The following AAR2 variants were observed in gnomAD, a reference collection of about 807,000 sequenced individuals.
AAR2 encodes the protein protein AAR2 homolog.
AAR2 carries 31 observed loss-of-function variants against 26.9 expected under a neutral mutation model. The ratio of observed to expected loss-of-function variants is 1.15; its 90% CI spans 0.86 to 1.55. The LOEUF is 1.55. Ranked by LOEUF, AAR2 falls within the 40% of genes most tolerant of loss-of-function variation. The pLI is 0.00. For synonymous variants in AAR2, 188 were observed against 196.1 expected, an observed-to-expected ratio of 0.96 and a Z score of 0.34; for missense variants, 430 against 491.3, an observed-to-expected ratio of 0.88 and a Z score of 1.18.
intron 1 of AAR2, 126 bp from the exon 2 acceptor site, chr20:36,239,695 G>A (rs943015077): frequency 1.3e-6 from 1 of 747,986 alleles, no homozygotes; most frequent in Non-Finnish European, 2.0e-6. Context: ...ATGCAGGGTT[G>A]TCATGAGGAT....
At chr20:36,238,626 C>T (rs1601172378) in intron 1 of AAR2, among the ~76,000 whole-genome samples, 1 of 151,954 alleles carries the variant, frequency 6.6e-6, no homozygotes, top group East Asian at 1.9e-4. Flanking sequence ...TGTGGTGGCA[C>T]ACACCGGTAG....
chr20:36,246,617 G>A lies in AAR2; in HGVS notation c.987+1691G>A, dbSNP rs144724169. 1.4e-4 allele frequency among the ~76,000 whole-genome samples: 21 copies of A among 152,284 alleles called. No homozygotes were observed. In the East Asian group the frequency reaches 2.7e-3, roughly 20 times the overall value. On this transcript the variant is annotated intron_variant, in intron 3 of 3. Coordinates refer to ENST00000320849, the MANE Select transcript of AAR2 (RefSeq NM_001271874.2). ...CCCTCCTGATGCACGTTGATGCGTC[G>A]CACAGACACAGGAGGGCCACGGTGT...
Position 36,245,693 on chromosome 20 carries a change from A to G in AAR2, c.987+767A>G, listed in dbSNP as rs192199299. Among the ~76,000 whole-genome samples the G allele has an allele frequency of 1.2e-4, 18 of 152,230 alleles. No homozygotes were observed. In the Middle Eastern group the frequency reaches 0.01, roughly 86 times the overall value. ...AAGGCAGCCTTTCACCAACCTTCCA[A>G]TCCCACTCGGGGTAACAGAAGGGAC... is the stretch of plus-strand genomic sequence containing the variant. On this transcript the variant is annotated intron_variant, in intron 3 of 3. Transcript: ENST00000320849.
chr20:36,251,090 AG>A, intron 3 of AAR2, among the ~76,000 whole-genome samples: 1 of 151,946 alleles, frequency 6.6e-6, no homozygotes, highest in Non-Finnish European at 1.5e-5. Flanking sequence ...TCAACTACTG[AG>A]GAGGCCTAGA....
At chr20:36,239,689 A>G (rs557486648) in intron 1 of AAR2, 132 bp from the exon 2 acceptor site, 2 of 708,358 alleles carry the variant, frequency 2.8e-6, no homozygotes, top group South Asian at 5.9e-5. Flanking sequence ...AACTCAATGC[A>G]GGGTTGTCAT....
chr20:36,255,571 T>C lies in AAR2; in HGVS notation c.988-7T>C. On this transcript the variant is annotated splice_region_variant and splice_polypyrimidine_tract_variant and intron_variant, in intron 3 of 3. Transcript: ENST00000320849. The stretch of plus-strand genomic sequence containing the variant: ...CTCAGGAGTGACTTATCCTCTGTTC[T>C]CTGTAGGTTTTCTTTTCCTCTGCCT... 6.2e-7 allele frequency: 1 copy of C among 1,614,192 alleles called. No individual in the cohort carries two copies. The highest frequency in any genetic ancestry group is 8.5e-7 in the Non-Finnish European group (1 of 1,180,000).
At chr20:36,239,793 G>A in intron 1 of AAR2, 28 bp from the exon 2 acceptor site, 1 of 1,493,716 alleles carries the variant, frequency 6.7e-7, no homozygotes, top group Non-Finnish European at 9.0e-7. Context: ...CCCACGTTCT[G>A]ATTAACTCTG....
At position 36,240,219 on chromosome 20, in the gene AAR2, G is replaced by T. The variant is rs970697472; in HGVS notation, c.351G>T (p.Glu117Asp). The change falls in exon 2 of 4, where the codon GAG (glutamate) becomes GAT (aspartate). Residue 117 changes from glutamate (E) to aspartate (D), a missense_variant. Physicochemically the swap from Glu to Asp is conservative, Grantham distance 45. Coordinates refer to ENST00000320849, the MANE Select transcript of AAR2 (RefSeq NM_001271874.2). ...EVEAMRANLQ[E>D]LDQFLGPYPY... is the part of the protein sequence containing the mutation. Reference sequence around the variant, plus strand: ...AGGCCATGAGGGCCAACCTCCAGGAGCTGGACCAGTTCCTGGGGCCTTACC... The same window carrying T: ...AGGCCATGAGGGCCAACCTCCAGGATCTGGACCAGTTCCTGGGGCCTTACC... The T allele has an allele frequency of 6.2e-7, 1 of 1,614,236 alleles. No homozygotes were observed. Among genetic ancestry groups the T allele is most frequent in the South Asian group, 1.1e-5 (1 of 91,082 alleles).
intron 3 of AAR2, among the ~76,000 whole-genome samples, chr20:36,254,671 A>G (rs1357975580): frequency 6.6e-6 from 1 of 152,210 alleles, no homozygotes; most frequent in African/African-American, 2.4e-5. Context: ...AATAATATGT[A>G]TATTTTGCCA....
chr20:36,236,665 C>T (rs1282585360), intron 1 of AAR2, 162 bp downstream of exon 1: 2 of 152,244 alleles, frequency 1.3e-5, no homozygotes, highest in African/African-American at 2.4e-5. Context: ...TCTCTGGAGG[C>T]CCTTCCTGAG....
At chr20:36,241,770 C>T (rs1039681105) in intron 2 of AAR2, among the ~76,000 whole-genome samples, 3 of 152,086 alleles carry the variant, frequency 2.0e-5, no homozygotes, top group African/African-American at 7.2e-5. Flanking sequence ...GCAACAAGAG[C>T]CGTCTCAAAA....
Position 36,255,928 on chromosome 20 carries a change from C to T in AAR2, c.*183C>T, listed in dbSNP as rs2064817542. The T allele has an allele frequency of 1.2e-6, 1 of 862,170 alleles. No individual in the cohort carries two copies. Among genetic ancestry groups the T allele is most frequent in the Non-Finnish European group, 1.7e-6 (1 of 584,082 alleles). 53.4% of individuals were successfully genotyped at this position (862,170 alleles called of 1,614,324 possible). ...TTTCTTCATTGCCAAAGAGGCTGTA[C>T]CCATCCTGAAGGCACATTTGTGGGT... On this transcript the variant is annotated 3_prime_UTR_variant, in exon 4 of 4. Coordinates refer to ENST00000320849, the MANE Select transcript of AAR2 (RefSeq NM_001271874.2).
At chr20:36,247,693 C>A (rs1011492600) in intron 3 of AAR2, among the ~76,000 whole-genome samples, 1 of 151,926 alleles carries the variant, frequency 6.6e-6, no homozygotes, top group Admixed American at 6.6e-5. Context: ...CATGGTGAAA[C>A]CCCCATGTCT....
rs1442784223 is a variant in AAR2 at position 36,244,718 on chromosome 20, T to C, written c.779T>C (p.Val260Ala). Reference protein sequence around the residue: ...DVLGELQFAFVCFLLGNVYEA... With the variant: ...DVLGELQFAFACFLLGNVYEA... ...TCAGGTGAACTCCAGTTTGCTTTTG[T>C]GTGCTTCCTGCTGGGGAATGTGTAC... Residue 260 changes from valine (V) to alanine (A), a missense_variant, in exon 3 of 4, where the codon GTG (valine) becomes GCG (alanine). Val to Ala is a moderately conservative substitution (Grantham distance 64). Coordinates refer to ENST00000320849, the MANE Select transcript of AAR2 (RefSeq NM_001271874.2). The C allele has an allele frequency of 6.2e-7, 1 of 1,614,206 alleles. No individual in the cohort carries two copies. The highest frequency in any genetic ancestry group is 8.5e-7 in the Non-Finnish European group (1 of 1,180,042).
intron 3 of AAR2, among the ~76,000 whole-genome samples, chr20:36,248,968 G>T (rs947892247): frequency 6.6e-6 from 1 of 151,976 alleles, no homozygotes; most frequent in African/African-American, 2.4e-5. Flanking sequence ...TTCACTCAGG[G>T]CATTTGTGAC....
intron 1 of AAR2, among the ~76,000 whole-genome samples, chr20:36,238,829 G>C (rs181823946): frequency 6.6e-6 from 1 of 152,020 alleles, no homozygotes; most frequent in Non-Finnish European, 1.5e-5. Flanking sequence ...TGACGTCTTG[G>C]CTAGATTGGA....
In AAR2 at chr20:36,255,962, A is replaced by G; in HGVS notation, c.*217A>G. On this transcript the variant is annotated 3_prime_UTR_variant, in exon 4 of 4. Transcript: ENST00000320849. Reference sequence around the variant, plus strand: ...AAGGCACATTTGTGGGTTCCCCATCAGCCAGGCCTTGGTGCTAACCTGGCT... The same window carrying G: ...AAGGCACATTTGTGGGTTCCCCATCGGCCAGGCCTTGGTGCTAACCTGGCT... 1.6e-6 allele frequency: 1 copy of G among 626,168 alleles called. No individual in the cohort carries two copies. Among genetic ancestry groups the G allele is most frequent in the Non-Finnish European group, 2.7e-6 (1 of 376,592 alleles). The allele number at this position is 626,168 out of a possible 1,614,324, so 38.8% of individuals were successfully genotyped here.
chr20:36,241,509 G>A (rs995553422), intron 2 of AAR2, among the ~76,000 whole-genome samples: 5 of 152,240 alleles, frequency 3.3e-5, no homozygotes, highest in African/African-American at 4.8e-5. Flanking sequence ...TCAAGTGGCC[G>A]GGTGTGGTGA....
rs964574448 is a variant in AAR2, at chr20:36,240,571, G to A, written c.703G>A (p.Ala235Thr). ...CAAGCACAGCATGGACCTGAGCTAT[G>A]CCCTGGAGACTGTGCTCAACAAGCA... ...ITKHSMDLSY[A>T]LETVLNKQFP... The change falls in exon 2 of 4, where the codon GCC becomes ACC. Residue 235 changes from alanine to threonine, a missense_variant. Coordinates refer to ENST00000320849, the MANE Select transcript of AAR2 (RefSeq NM_001271874.2). 6.8e-6 allele frequency: 11 copies of A among 1,613,498 alleles called. No individual in the cohort carries two copies. The African/African-American group carries it at 9.3e-5, about 14-fold the overall frequency.
Sources: gnomAD v4.1 joint callset for allele counts (sites outside exome capture counted in the v4.1 genomes callset) on GRCh38, gnomAD v4.1.1 for gene constraint, MANE v1.5 for transcripts, NCBI Gene and HGNC (gene_info 2026-07-23, HGNC 2026-07-21) for gene names.